Variants in SEPTIN2 observed in about 807,000 individuals in gnomAD.
SEPTIN2 encodes septin 2.
A neutral mutation model predicts 46.5 loss-of-function variants in SEPTIN2; 34 were observed. The ratio of observed to expected loss-of-function variants is 0.73; its 90% CI spans 0.56 to 0.97. The LOEUF is 0.97. SEPTIN2 is among the 50% of genes least tolerant of loss of function. The pLI is 0.00. For missense variants in SEPTIN2, 347 were observed against 448.4 expected, an observed-to-expected ratio of 0.77 and a Z score of 2.04; for synonymous variants, 175 against 153.4, an observed-to-expected ratio of 1.14 and a Z score of -1.04.
intron 2 of SEPTIN2, 147 bp downstream of exon 2, chr2:241,324,388 C>CTTT: frequency 4.0e-5 from 18 of 453,806 alleles, no homozygotes; most frequent in Non-Finnish European, 5.1e-5. Context: ...ATTTAGTTGT[C>CTTT]TTTTTTTTTT....
At chr2:241,319,768 A>AT (rs2076882281) in intron 1 of SEPTIN2, among the ~76,000 whole-genome samples, 1 of 151,830 alleles carries the variant, frequency 6.6e-6, no homozygotes, top group South Asian at 2.1e-4. Context: ...ATTTTTTTGT[A>AT]TTTTTTGTAG....
At chr2:241,347,253 A>G (rs551248096) in intron 10 of SEPTIN2, among the ~76,000 whole-genome samples, 23 of 152,328 alleles carry the variant, frequency 1.5e-4, no homozygotes, top group African/African-American at 4.6e-4. Flanking sequence ...CTCAACAACA[A>G]AAGTTTCCTG....
rs2060919829 is a variant in SEPTIN2, at chr2:241,353,427, T to C, written c.*1490T>C. 6.6e-6 allele frequency: 1 copy of C among 151,886 alleles called. No individual in the cohort carries two copies. Among genetic ancestry groups the C allele is most frequent in the Non-Finnish European group, 1.5e-5 (1 of 67,928 alleles). 9.4% of individuals were successfully genotyped at this position (151,886 alleles called of 1,614,324 possible). A position where few individuals can be genotyped will look rare whatever the true frequency, so the allele number is the denominator to read the frequency against. ...AGGAGACAATGGTTGTGTAGGGAGA[T>C]GGAGAAAATGCTTAATCTGAGGATG... On this transcript the variant is annotated 3_prime_UTR_variant, in exon 13 of 13. Coordinates refer to ENST00000391971, the MANE Select transcript of SEPTIN2 (RefSeq NM_004404.5).
At chr2:241,339,116 G>A (rs1324780172) in intron 7 of SEPTIN2, among the ~76,000 whole-genome samples, 22 of 144,902 alleles carry the variant, frequency 1.5e-4, no homozygotes, top group Non-Finnish European at 4.5e-5. Flanking sequence ...TTTCTAGGCC[G>A]AGTGTGGTGG....
intron 1 of SEPTIN2, chr2:241,316,255 C>T (rs190496757): frequency 2.4e-5 from 9 of 371,724 alleles, no homozygotes; most frequent in Admixed American, 2.4e-4. Context: ...CTTGTTGACC[C>T]TGCGGGAATT....
At position 241,343,836 on chromosome 2, in the gene SEPTIN2, G is replaced by T; in HGVS notation, c.781G>T (p.Gly261Cys). The change falls in exon 9 of 13, where the codon GGT becomes TGT. Residue 261 changes from glycine (G) to cysteine (C), a missense_variant. Physicochemically the swap from Gly to Cys is radical, Grantham distance 159 (BLOSUM62 -3). Coordinates refer to ENST00000391971, the MANE Select transcript of SEPTIN2 (RefSeq NM_004404.5). ...KKVRGRLYPW[G>C]VVEVENPEHN... The stretch of plus-strand genomic sequence containing the variant: ...GGTCAGAGGCCGCCTCTACCCCTGG[G>T]GTGTTGTGGAAGTGGAGAACCCAGA... 1 of 1,614,184 alleles carries T rather than the reference G, an allele frequency of 6.2e-7. No individual in the cohort carries two copies. Among genetic ancestry groups the T allele is most frequent in the Non-Finnish European group, 8.5e-7 (1 of 1,180,036 alleles).
intron 6 of SEPTIN2, 61 bp downstream of exon 6, chr2:241,337,577 A>G: frequency 1.9e-6 from 3 of 1,591,372 alleles, no homozygotes; most frequent in Non-Finnish European, 1.7e-6. Flanking sequence ...TTTTACCCAA[A>G]CTGTGTATTT....
chr2:241,317,429 G>A, intron 1 of SEPTIN2: 1 of 540,220 alleles, frequency 1.9e-6, no homozygotes, highest in Non-Finnish European at 2.4e-6. Flanking sequence ...GTGACCTAGG[G>A]AAAGGGGCCA....
chr2:241,342,369 T>C (rs1457843327), intron 7 of SEPTIN2, among the ~76,000 whole-genome samples: 1 of 151,956 alleles, frequency 6.6e-6, no homozygotes, highest in Non-Finnish European at 1.5e-5. Flanking sequence ...TTCTTGAGGC[T>C]GATTGTGGTG....
At chr2:241,335,630 TAGTG>T (rs2079829266) in intron 4 of SEPTIN2, 4 of 578,512 alleles carry the variant, frequency 6.9e-6, no homozygotes, top group Non-Finnish European at 1.2e-5. Flanking sequence ...TAGGCACACA[TAGTG>T]AGAGCCTAAG....
At chr2:241,331,749 A>G (rs908020234) in intron 3 of SEPTIN2, among the ~76,000 whole-genome samples, 1 of 152,214 alleles carries the variant, frequency 6.6e-6, no homozygotes, top group Non-Finnish European at 1.5e-5. Flanking sequence ...ATGTAAATGT[A>G]GAGGGCCTAG....
At chr2:241,319,537 G>T (rs995723812) in intron 1 of SEPTIN2, among the ~76,000 whole-genome samples, 4 of 152,208 alleles carry the variant, frequency 2.6e-5, no homozygotes, top group Non-Finnish European at 5.9e-5. Flanking sequence ...CTATTGTTTA[G>T]AAAACAGTAT....
intron 3 of SEPTIN2, among the ~76,000 whole-genome samples, chr2:241,331,999 T>C (rs1005706052): frequency 6.6e-6 from 1 of 152,206 alleles, no homozygotes. Context: ...TTACAGTCTG[T>C]AACAACTAGA....
At chr2:241,320,459 T>C (rs1321821654) in intron 1 of SEPTIN2, among the ~76,000 whole-genome samples, 1 of 152,206 alleles carries the variant, frequency 6.6e-6, no homozygotes, top group Non-Finnish European at 1.5e-5. Context: ...ATATTTGCTA[T>C]TTTTTCCTGA....
At chr2:241,345,560 CT>C (rs1261271016) in intron 9 of SEPTIN2, among the ~76,000 whole-genome samples, 6 of 152,180 alleles carry the variant, frequency 3.9e-5, no homozygotes, top group African/African-American at 1.4e-4. Context: ...TTTGCTCATT[CT>C]TGCCTGCTTT....
chr2:241,315,580 C>CT (rs1228199821), upstream of SEPTIN2: 2 of 152,304 alleles, frequency 1.3e-5, no homozygotes, highest in African/African-American at 4.8e-5. Context: ...CTGTTCCACT[C>CT]TTATAAGCAT....
At chr2:241,316,557 C>T (rs1409686780) in intron 1 of SEPTIN2, 1 of 1,513,672 alleles carries the variant, frequency 6.6e-7, no homozygotes, top group South Asian at 1.2e-5. Context: ...ACCAGCGAGG[C>T]ACGGACAGGC....
chr2:241,323,253 C>T (rs895260064), intron 1 of SEPTIN2, among the ~76,000 whole-genome samples: 2 of 151,816 alleles, frequency 1.3e-5, no homozygotes, highest in Non-Finnish European at 1.5e-5. Context: ...TCACTGCAAC[C>T]TCCGCCTCCC....
At chr2:241,343,317 G>A (rs1319908891) in intron 8 of SEPTIN2, among the ~76,000 whole-genome samples, 1 of 152,128 alleles carries the variant, frequency 6.6e-6, no homozygotes, top group Non-Finnish European at 1.5e-5. Context: ...TGGCCAACAT[G>A]GTGAAATCTC....
Sources: gnomAD v4.1 joint callset for allele counts (sites outside exome capture counted in the v4.1 genomes callset) on GRCh38, gnomAD v4.1.1 for gene constraint, MANE v1.5 for transcripts, NCBI Gene and HGNC (gene_info 2026-07-23, HGNC 2026-07-21) for gene names.